Variants in GNA14 observed in about 807,000 individuals in gnomAD.
GNA14 encodes G protein subunit alpha 14, also known as guanine nucleotide-binding protein subunit alpha-14.
GNA14 carries 50 observed loss-of-function variants against 42.0 expected under a neutral mutation model. That is an observed-to-expected ratio of 1.19 (90% CI 0.95 to 1.51). The LOEUF is 1.51. GNA14 is among the 40% of genes most tolerant of loss of function. The probability of loss-of-function intolerance (pLI) is 0.00; values close to 1 mark genes in which losing one functional copy is unlikely to be tolerated. For synonymous variants in GNA14, 173 were observed against 163.1 expected (o/e 1.06, Z -0.46); for missense variants, 473 against 446.2 (o/e 1.06, Z -0.54).
chr9:77,511,126 G>A (rs544896398), intron 2 of GNA14, among the ~76,000 whole-genome samples: 1 of 151,428 alleles, frequency 6.6e-6, no homozygotes, highest in Non-Finnish European at 1.5e-5. Flanking sequence ...TTCCCAAAGT[G>A]ACCATCATCT....
chr9:77,593,701 C>T (rs945706100), intron 1 of GNA14, among the ~76,000 whole-genome samples: 5 of 152,158 alleles, frequency 3.3e-5, no homozygotes, highest in African/African-American at 1.2e-4. Flanking sequence ...CAATTTGCAC[C>T]ATCTAAGCTC....
At position 77,572,470 on chromosome 9, in the gene GNA14, A is replaced by T. The variant is rs1402708179; in HGVS notation, c.125-43217T>A. Among the ~76,000 whole-genome samples the T allele has an allele frequency of 2.0e-5, 3 of 152,340 alleles. No individual in the cohort carries two copies. In the South Asian group the frequency reaches 6.2e-4, roughly 32 times the overall value. The stretch of plus-strand genomic sequence containing the variant: ...TATCCATCATAGTTTTATAGAATAC[A>T]TAAAAAGACACAAATTCCAAATTGG... On this transcript the variant is annotated intron_variant, in intron 1 of 6. Coordinates refer to ENST00000341700, the MANE Select transcript of GNA14 (RefSeq NM_004297.4).
At chr9:77,502,741 G>T (rs577277521) in intron 2 of GNA14, among the ~76,000 whole-genome samples, 1 of 152,200 alleles carries the variant, frequency 6.6e-6, no homozygotes, top group Non-Finnish European at 1.5e-5. Flanking sequence ...GCCCAAGAAG[G>T]GGGGTTGGGT....
At chr9:77,564,514 C>T (rs1466416097) in intron 1 of GNA14, among the ~76,000 whole-genome samples, 1 of 152,056 alleles carries the variant, frequency 6.6e-6, no homozygotes, top group South Asian at 2.1e-4. Context: ...TATATGAATA[C>T]ATTTCTTTTT....
At chr9:77,597,818 A>G (rs2117906390) in intron 1 of GNA14, among the ~76,000 whole-genome samples, 1 of 152,132 alleles carries the variant, frequency 6.6e-6, no homozygotes, top group Admixed American at 6.5e-5. Flanking sequence ...CCATCCCAGC[A>G]CTTTGGGAGG....
chr9:77,606,275 T>TAC (rs1419635169), intron 1 of GNA14, among the ~76,000 whole-genome samples: 3 of 152,334 alleles, frequency 2.0e-5, no homozygotes, highest in African/African-American at 7.2e-5. Context: ...TGTTTCCAGT[T>TAC]ACTAGGAAAA....
At chr9:77,483,223 T>C (rs544037162) in intron 2 of GNA14, among the ~76,000 whole-genome samples, 172 of 152,294 alleles carry the variant, frequency 1.1e-3, no homozygotes, top group African/African-American at 3.8e-3. Context: ...GACGTACAGA[T>C]GGGTTTTTGG....
At chr9:77,447,626 G>A (rs779798805) in intron 2 of GNA14, among the ~76,000 whole-genome samples, 1 of 149,070 alleles carries the variant, frequency 6.7e-6, no homozygotes, top group Non-Finnish European at 1.5e-5. Flanking sequence ...TCATAGTAGG[G>A]GTGGGGAGGA....
In GNA14 at chr9:77,628,150, A is replaced by T. The variant is rs565719289; in HGVS notation, c.124+19520T>A. 2.4e-4 allele frequency among the ~76,000 whole-genome samples: 36 copies of T among 152,324 alleles called. No homozygotes were observed. In the East Asian group the frequency reaches 6.9e-3, roughly 29 times the overall value. Reference sequence around the variant, plus strand: ...GTGAACTCCCATTCACAATTGCTACAAAGAGAATAAAATACCTAGGAATCC... The same window carrying T: ...GTGAACTCCCATTCACAATTGCTACTAAGAGAATAAAATACCTAGGAATCC... On this transcript the variant is annotated intron_variant, in intron 1 of 6. Transcript: ENST00000341700.
chr9:77,538,426 T>C (rs1026838376), intron 1 of GNA14, among the ~76,000 whole-genome samples: 6 of 152,166 alleles, frequency 3.9e-5, no homozygotes, highest in African/African-American at 1.2e-4. Context: ...TCTTTTTTGC[T>C]TCCACATGAA....
chr9:77,601,131 G>A lies in GNA14; in HGVS notation c.124+46539C>T, dbSNP rs143005833. On this transcript the variant is annotated intron_variant, in intron 1 of 6. Transcript: ENST00000341700. Reference sequence around the variant, plus strand: ...GCCTGGTATTCAATCTGTGAGGTGGGAGCCCTTGGCAGGAACCCCTCTTGC... The same window carrying A: ...GCCTGGTATTCAATCTGTGAGGTGGAAGCCCTTGGCAGGAACCCCTCTTGC... Among the ~76,000 whole-genome samples the A allele has an allele frequency of 3.9e-5, 6 of 152,302 alleles. No homozygotes were observed. The East Asian group carries it at 9.7e-4, about 25-fold the overall frequency.
chr9:77,456,475 G>C (rs901874981), intron 2 of GNA14: 1 of 152,194 alleles, frequency 6.6e-6, no homozygotes, highest in Non-Finnish European at 1.5e-5. Context: ...AACCCCGCTT[G>C]AAAGTAGAAA....
intron 1 of GNA14, among the ~76,000 whole-genome samples, chr9:77,555,300 G>A (rs1395439499): frequency 6.6e-6 from 1 of 152,102 alleles, no homozygotes; most frequent in Non-Finnish European, 1.5e-5. Context: ...GAGCTCAGGA[G>A]TTCAAAACCA....
chr9:77,427,310 G>A (rs1835468589), intron 5 of GNA14, among the ~76,000 whole-genome samples: 1 of 138,434 alleles, frequency 7.2e-6, no homozygotes. Context: ...ATTGATAACT[G>A]AATGTCTTGC....
intron 2 of GNA14, among the ~76,000 whole-genome samples, chr9:77,448,457 G>A (rs146995962): frequency 5.3e-5 from 8 of 152,282 alleles, no homozygotes; most frequent in Admixed American, 3.3e-4. Context: ...CCCAGCTGTA[G>A]GCTAATGTGT....
chr9:77,612,451 G>A (rs1823749021), intron 1 of GNA14, among the ~76,000 whole-genome samples: 1 of 152,068 alleles, frequency 6.6e-6, no homozygotes, highest in East Asian at 1.9e-4. Context: ...ACTTCTCTCA[G>A]GGCTCTCATG....
chr9:77,476,931 A>T (rs752592678), intron 2 of GNA14, among the ~76,000 whole-genome samples: 1 of 152,196 alleles, frequency 6.6e-6, no homozygotes, highest in Non-Finnish European at 1.5e-5. Context: ...TGGCTCAGGG[A>T]AAGACTGCAT....
At chr9:77,545,480 G>C (rs1486291705) in intron 1 of GNA14, among the ~76,000 whole-genome samples, 1 of 152,210 alleles carries the variant, frequency 6.6e-6, no homozygotes, top group Non-Finnish European at 1.5e-5. Context: ...GCCCACCACT[G>C]TGAAAGAAAA....
At chr9:77,630,787 CAG>C (rs1824085534) in intron 1 of GNA14, among the ~76,000 whole-genome samples, 2 of 152,132 alleles carry the variant, frequency 1.3e-5, no homozygotes, top group African/African-American at 4.8e-5. Context: ...TCTTTGCACA[CAG>C]AAAGACCCTA....
Sources: gnomAD v4.1 joint callset for allele counts (sites outside exome capture counted in the v4.1 genomes callset) on GRCh38, gnomAD v4.1.1 for gene constraint, MANE v1.5 for transcripts, NCBI Gene and HGNC (gene_info 2026-07-23, HGNC 2026-07-21) for gene names.